POLR1A: variants seen among roughly 807,000 people sequenced by gnomAD.
POLR1A encodes the protein DNA-directed RNA polymerase I subunit RPA1.
A neutral mutation model predicts 205.3 loss-of-function variants in POLR1A; 84 were observed. That is an observed-to-expected ratio of 0.41 (90% CI 0.34 to 0.49). POLR1A has a LOEUF of 0.49. POLR1A is among the 20% of genes least tolerant of loss of function. The pLI is 0.22. For missense variants in POLR1A, 1,645 were observed against 2,204.5 expected (o/e 0.75, Z 5.08); for synonymous variants, 799 against 863.7 (o/e 0.93, Z 1.31).
At chr2:86,031,235 C>A in intron 30 of POLR1A, 95 bp downstream of exon 30, 1 of 1,456,140 alleles carries the variant, frequency 6.9e-7, no homozygotes, top group Non-Finnish European at 9.1e-7. Flanking sequence ...TGCCCCCTGC[C>A]CAGCTGTGCA....
chr2:86,045,718 T>C lies in POLR1A; in HGVS notation c.2785A>G (p.Met929Val). Reference sequence around the variant, plus strand: ...CAGGGCAGTGACTTGCCAGACGCCATCAGCGGGGGTCTCCGACCTTCCAGT... The same window carrying C: ...CAGGGCAGTGACTTGCCAGACGCCACCAGCGGGGGTCTCCGACCTTCCAGT... Reference protein sequence around the residue: ...IELEGRRPPLMASGKSLPCFE... With the variant: ...IELEGRRPPLVASGKSLPCFE... The change falls in exon 20 of 34, where the codon ATG (methionine) becomes GTG (valine). Residue 929 changes from methionine (M) to valine (V), a missense_variant. Transcript: ENST00000263857. The C allele has an allele frequency of 6.2e-7, 1 of 1,609,852 alleles. No homozygotes were observed. Among genetic ancestry groups the C allele is most frequent in the Non-Finnish European group, 8.5e-7 (1 of 1,179,020 alleles).
At chr2:86,037,791 G>T (rs1232061308) in intron 27 of POLR1A, among the ~76,000 whole-genome samples, 1 of 152,178 alleles carries the variant, frequency 6.6e-6, no homozygotes, top group Non-Finnish European at 1.5e-5. Context: ...GTAAACAAGT[G>T]ACCCAAGAAA....
intron 1 of POLR1A, among the ~76,000 whole-genome samples, chr2:86,105,119 G>A (rs1482198291): frequency 1.3e-5 from 2 of 152,186 alleles, no homozygotes; most frequent in Non-Finnish European, 2.9e-5. Context: ...AGAGAGGGAG[G>A]TAGAAGTATT....
rs747628029 is a variant in POLR1A, at chr2:86,031,513, C to G, written c.4395G>C (p.Glu1465Asp). ...GGTCCTCCTCAGTGCCTAAGCCCAC[C>G]TCTTCATCTTGCTCTTGGGTCTTTC... The part of the protein sequence containing the change: ...GARKTQEQDE[E>D]VGLGTEEDPS... The change falls in exon 30 of 34, where the codon GAG becomes GAC. Residue 1465 changes from glutamate (E) to aspartate (D), a missense_variant. Glu to Asp is a conservative substitution (Grantham distance 45). Transcript: ENST00000263857. 2.5e-6 allele frequency: 4 copies of G among 1,614,230 alleles called. No individual in the cohort carries two copies. The highest frequency in any genetic ancestry group is 1.7e-5 in the Admixed American group (1 of 60,036).
At chr2:86,041,483 C>A (rs1672606540) in intron 24 of POLR1A, among the ~76,000 whole-genome samples, 2 of 152,056 alleles carry the variant, frequency 1.3e-5, no homozygotes, top group Non-Finnish European at 2.9e-5. Flanking sequence ...GTAATCGGAT[C>A]CAAGGCCTCA....
At chr2:86,072,426 C>G (rs1302412699) in intron 12 of POLR1A, among the ~76,000 whole-genome samples, 1 of 152,220 alleles carries the variant, frequency 6.6e-6, no homozygotes, top group Middle Eastern at 3.2e-3. Context: ...GGATTTGAGT[C>G]TTGCAAATTT....
At chr2:86,033,412 A>C (rs117549724) in intron 28 of POLR1A, among the ~76,000 whole-genome samples, 1,691 of 152,342 alleles carry the variant, frequency 0.011, 33 homozygotes, top group East Asian at 0.097. Flanking sequence ...TGGAGAGCAG[A>C]GCTATGATGC....
chr2:86,030,061 G>A (rs749792738), intron 31 of POLR1A, 135 bp downstream of exon 31: 30 of 706,544 alleles, frequency 4.2e-5, no homozygotes, highest in Non-Finnish European at 7.1e-5. Context: ...TTTGGGGAAT[G>A]TGGCCTGGAA....
intron 3 of POLR1A, 61 bp from the exon 4 acceptor site, chr2:86,089,990 A>G: frequency 2.4e-6 from 2 of 841,320 alleles, no homozygotes; most frequent in Non-Finnish European, 4.1e-6. Flanking sequence ...TGAGCAGCAC[A>G]ACTGGGACCA....
intron 12 of POLR1A, among the ~76,000 whole-genome samples, chr2:86,071,227 CATGTGTGTGTGT>C (rs1558777064): frequency 3.6e-4 from 53 of 147,260 alleles, no homozygotes; most frequent in Non-Finnish European, 5.8e-4. Context: ...TCTCCGTGTG[CATGTGTGTGTGT>C]GTGTGTGTGT....
rs1673522477 is a variant in POLR1A, at chr2:86,087,505, G to C, written c.730+1061C>G. 2.0e-5 allele frequency among the ~76,000 whole-genome samples: 3 copies of C among 152,340 alleles called. No individual in the cohort carries two copies. In the South Asian group the frequency reaches 6.2e-4, roughly 32 times the overall value. On this transcript the variant is annotated intron_variant, in intron 6 of 33. Coordinates refer to ENST00000263857, the MANE Select transcript of POLR1A (RefSeq NM_015425.6). Reference sequence around the variant, plus strand: ...AAAACAGCCTTCTATCTGCCACTCAGAAAAAGTGGCAGAGCCAAGTGACAA... The same window carrying C: ...AAAACAGCCTTCTATCTGCCACTCACAAAAAGTGGCAGAGCCAAGTGACAA...
Position 86,028,790 on chromosome 2 carries a change from C to T in POLR1A, c.4780-79G>A, listed in dbSNP as rs964383006. On this transcript the variant is annotated intron_variant, in intron 31 of 33. Coordinates refer to ENST00000263857, the MANE Select transcript of POLR1A (RefSeq NM_015425.6). This position sits in a 1 kb window ranked among gnomAD's most constrained non-coding sequence, Gnocchi z 4.5. ...CTGCCTGCGTATCTCCCCCTGGCCG[C>T]TCTCTCTCTCCTTGTGTCTGGCAGC... The T allele has an allele frequency of 4.0e-6, 4 of 999,160 alleles. No homozygotes were observed. In the African/African-American group the frequency reaches 6.4e-5, roughly 16 times the overall value. 61.9% of individuals were successfully genotyped at this position (999,160 alleles called of 1,614,324 possible). A position where few individuals can be genotyped will look rare whatever the true frequency, so the allele number is the denominator to read the frequency against.
intron 25 of POLR1A, 80 bp from the exon 26 acceptor site, chr2:86,039,542 A>G: frequency 1.3e-6 from 2 of 1,545,874 alleles, no homozygotes; most frequent in Non-Finnish European, 8.9e-7. Context: ...TAATGATGTC[A>G]GAGTTCTTTT....
chr2:86,053,351 G>C (rs776883355), intron 15 of POLR1A, among the ~76,000 whole-genome samples: 33 of 151,746 alleles, frequency 2.2e-4, no homozygotes, highest in Non-Finnish European at 4.3e-4. Context: ...AAGTATCCTT[G>C]ACAAAGACCT....
At chr2:86,042,836 G>C in intron 23 of POLR1A, 138 bp downstream of exon 23, 1 of 683,332 alleles carries the variant, frequency 1.5e-6, no homozygotes, top group Non-Finnish European at 2.6e-6. Context: ...CCATTTGAGA[G>C]CCATTCTGTT....
Position 86,030,297 on chromosome 2 carries a change from T to C in POLR1A, c.4678A>G (p.Thr1560Ala), listed in dbSNP as rs761226136. ...GAVIYATKGI[T>A]RCLLNETTNN... ...GTTGTTTCATTCAGGAGGCACCGAG[T>C]GATGCCCTTGGTCGCATAGATGACG... The change falls in exon 31 of 34, where the codon ACT becomes GCT. Residue 1560 changes from threonine to alanine, a missense_variant. By Grantham distance (58) the Thr-to-Ala change is moderately conservative (BLOSUM62 0). This residue lies in a region of POLR1A where 394 missense variants were observed against 468.5 expected (regional missense o/e 0.84). Coordinates refer to ENST00000263857, the MANE Select transcript of POLR1A (RefSeq NM_015425.6). The C allele has an allele frequency of 6.8e-6, 11 of 1,613,964 alleles. No homozygotes were observed. In the East Asian group the frequency reaches 2.5e-4, roughly 36 times the overall value.
At chr2:86,059,808 C>T (rs1167862120) in intron 14 of POLR1A, among the ~76,000 whole-genome samples, 4 of 152,144 alleles carry the variant, frequency 2.6e-5, no homozygotes, top group African/African-American at 9.7e-5. Context: ...TCATGTGATC[C>T]ACCCACCTTG....
intron 6 of POLR1A, among the ~76,000 whole-genome samples, chr2:86,084,940 A>G (rs1010764103): frequency 2.6e-5 from 4 of 152,180 alleles, no homozygotes; most frequent in South Asian, 4.1e-4. Flanking sequence ...AGTCTCTGTT[A>G]ATAGGTATTT....
At chr2:86,031,261 C>A (rs1672380918) in intron 30 of POLR1A, 69 bp downstream of exon 30, 4 of 1,501,128 alleles carry the variant, frequency 2.7e-6, no homozygotes, top group African/African-American at 1.4e-5. Flanking sequence ...GCTCAGCAGG[C>A]CCCTTCCACA....
Sources: gnomAD v4.1 joint callset for allele counts (sites outside exome capture counted in the v4.1 genomes callset) on GRCh38, gnomAD v4.1.1 for gene constraint, gnomAD v4.1.1 regional missense constraint, Gnocchi (gnomAD v3.1) non-coding constraint, MANE v1.5 for transcripts, NCBI Gene and HGNC (gene_info 2026-07-23, HGNC 2026-07-21) for gene names.